The following NHS variants were observed in gnomAD, a reference collection of about 807,000 sequenced individuals.
NHS encodes the protein actin remodeling regulator NHS.
In NHS, 5 loss-of-function variants were observed where a neutral mutation model predicts 72.5. The observed-to-expected ratio is 0.07, with a 90% CI of 0.04 to 0.14. The LOEUF is 0.14. Among genes scored for constraint, NHS ranks in the 10% least tolerant of loss-of-function variants. The probability of loss-of-function intolerance (pLI) is 1.00; values close to 1 mark genes in which losing one functional copy is unlikely to be tolerated. For missense variants in NHS, 1,072 were observed against 1,355.7 expected (o/e 0.79, Z 3.29); for synonymous variants, 464 against 547.7 (o/e 0.85, Z 2.13).
In NHS at chrX:17,726,508, T is replaced by A. The variant is rs1359623874; in HGVS notation, c.2402T>A (p.Val801Asp). ...GGTCTCAAAGGTAATAAGAGCTATGTCTGTCACTATGCAGCCCTGGGCCCA... is the reference window on the plus strand; with the variant it reads ...GGTCTCAAAGGTAATAAGAGCTATGACTGTCACTATGCAGCCCTGGGCCCA... ...DCGLKGNKSY[V>D]CHYAALGPEN... The change falls in exon 7 of 9, where the codon GTC becomes GAC. Residue 801 changes from valine (V) to aspartate (D), a missense_variant. Coordinates refer to ENST00000676302, the MANE Select transcript of NHS (RefSeq NM_001291867.2). 8.3e-7 allele frequency: 1 copy of A among 1,212,060 alleles called. No individual in the cohort carries two copies. Among genetic ancestry groups the A allele is most frequent in the Admixed American group, 2.2e-5 (1 of 46,104 alleles).
At chrX:17,722,204 G>A (rs1002021012) in intron 5 of NHS, among the ~76,000 whole-genome samples, 1 of 112,084 alleles carries the variant, frequency 8.9e-6, no homozygotes, top group Non-Finnish European at 1.9e-5. Context: ...CCTGTGTACT[G>A]AGAGTGTGAA....
At chrX:17,719,978 T>TTCTCTC (rs761843999) in intron 4 of NHS, among the ~76,000 whole-genome samples, 2 of 108,084 alleles carry the variant, frequency 1.9e-5, no homozygotes, top group African/African-American at 6.7e-5. Context: ...CTCAATCAGT[T>TTCTCTC]TCTCTCTCTC....
At chrX:17,492,016 TTTCTC>T (rs1219806326) in intron 1 of NHS, among the ~76,000 whole-genome samples, 1 of 111,314 alleles carries the variant, frequency 9.0e-6, no homozygotes, top group Non-Finnish European at 1.9e-5. Context: ...ATTTGATTCT[TTTCTC>T]TTTTCTTCTT....
At chrX:17,596,540 A>C (rs761170501) in intron 1 of NHS, among the ~76,000 whole-genome samples, 3 of 112,058 alleles carry the variant, frequency 2.7e-5, no homozygotes, top group African/African-American at 6.5e-5. Context: ...GCATGAACCA[A>C]GGTCAAAGGT....
intron 1 of NHS, among the ~76,000 whole-genome samples, chrX:17,391,864 A>G (rs1437245663): frequency 9.0e-6 from 1 of 111,699 alleles, no homozygotes; most frequent in Non-Finnish European, 1.9e-5. Context: ...ATCTTTTCCT[A>G]TAATGACGAT....
chrX:17,632,617 A>G (rs774818374), intron 1 of NHS, among the ~76,000 whole-genome samples: 4 of 108,130 alleles, frequency 3.7e-5, no homozygotes, highest in Non-Finnish European at 5.7e-5. Context: ...ACAAAAAAAA[A>G]CGAAGACCCC....
chrX:17,605,856 C>T (rs1467316393), intron 1 of NHS, among the ~76,000 whole-genome samples: 1 of 112,053 alleles, frequency 8.9e-6, no homozygotes, highest in Non-Finnish European at 1.9e-5. Context: ...TTTTAACTTT[C>T]CAGCTCTGTT....
chrX:17,635,933 C>T (rs2065844081), intron 1 of NHS, among the ~76,000 whole-genome samples: 1 of 112,277 alleles, frequency 8.9e-6, no homozygotes, highest in Admixed American at 9.4e-5. Flanking sequence ...CTTCCTTCTC[C>T]TCTTCTGCTC....
At chrX:17,436,993 T>C in intron 1 of NHS, among the ~76,000 whole-genome samples, 1 of 111,898 alleles carries the variant, frequency 8.9e-6, no homozygotes, top group East Asian at 2.8e-4. Flanking sequence ...TCAGCAGAGA[T>C]GGCAGGTAGG....
At chrX:17,655,960 T>A (rs2065952204) in intron 1 of NHS, among the ~76,000 whole-genome samples, 1 of 101,296 alleles carries the variant, frequency 9.9e-6, no homozygotes, top group Non-Finnish European at 2.0e-5. Context: ...CTGCGATCTC[T>A]CTTTTTGCAT....
intron 1 of NHS, among the ~76,000 whole-genome samples, chrX:17,510,324 C>T (rs2146930165): frequency 8.9e-6 from 1 of 112,127 alleles, no homozygotes; most frequent in East Asian, 2.8e-4. Context: ...GAGGGCTGAG[C>T]CCACCACACT....
At chrX:17,413,109 G>A (rs1049714220) in intron 1 of NHS, among the ~76,000 whole-genome samples, 6 of 112,288 alleles carry the variant, frequency 5.3e-5, no homozygotes, top group African/African-American at 1.6e-4. Context: ...TGTATTTAGC[G>A]CTTGTGTGTG....
intron 1 of NHS, among the ~76,000 whole-genome samples, chrX:17,394,753 A>G (rs1249787297): frequency 9.2e-6 from 1 of 108,416 alleles, no homozygotes; most frequent in Non-Finnish European, 1.9e-5. Flanking sequence ...CCCCACCCCC[A>G]GTTTTTGGAA....
intron 1 of NHS, among the ~76,000 whole-genome samples, chrX:17,534,792 G>C: frequency 8.9e-6 from 1 of 112,334 alleles, no homozygotes; most frequent in Non-Finnish European, 1.9e-5. Context: ...AGATGCTATT[G>C]GTGCCCACCC....
At chrX:17,500,555 G>C (rs1411935616) in intron 1 of NHS, among the ~76,000 whole-genome samples, 1 of 111,793 alleles carries the variant, frequency 8.9e-6, no homozygotes, top group African/African-American at 3.3e-5. Flanking sequence ...CTCCTGCGGT[G>C]TCTGATTGGA....
At chrX:17,597,510 GGAAGAGAGCTGGAGAAAGAGCAAAA>G (rs1318680836) in intron 1 of NHS, among the ~76,000 whole-genome samples, 1 of 108,285 alleles carries the variant, frequency 9.2e-6, no homozygotes, top group Non-Finnish European at 1.9e-5. Flanking sequence ...GTGAGCATTT[GGAAGAGAGCTGGAGAAAGAGCAAAA>G]GAAGAGAGCA....
chrX:17,681,382 TC>T (rs2066127915), intron 1 of NHS, among the ~76,000 whole-genome samples: 1 of 111,437 alleles, frequency 9.0e-6, no homozygotes, highest in African/African-American at 3.3e-5. Context: ...GCTCTGTGAT[TC>T]CCCTTTCATA....
intron 2 of NHS, among the ~76,000 whole-genome samples, chrX:17,689,087 A>T (rs1384536046): frequency 1.8e-5 from 2 of 112,543 alleles, no homozygotes; most frequent in South Asian, 7.4e-4. Context: ...AAAGTGGAGA[A>T]ACAAAATGGT....
intron 1 of NHS, among the ~76,000 whole-genome samples, chrX:17,561,394 C>T (rs1198478670): frequency 2.7e-5 from 3 of 110,032 alleles, no homozygotes; most frequent in Non-Finnish European, 5.7e-5. Flanking sequence ...TCCATTCCAG[C>T]GTCTGGGAAG....
Sources: allele counts gnomAD v4.1 joint callset (sites outside exome capture counted in the v4.1 genomes callset), GRCh38; gene constraint gnomAD v4.1.1; transcripts MANE v1.5; gene names NCBI Gene and HGNC (gene_info 2026-07-23, HGNC 2026-07-21).